CTNNA2: variants seen among roughly 807,000 people sequenced by gnomAD.
The protein encoded by CTNNA2 is catenin alpha 2.
In CTNNA2, 42 loss-of-function variants were observed where a neutral mutation model predicts 101.0. That is an observed-to-expected ratio of 0.42 (90% CI 0.32 to 0.54). The LOEUF is 0.54. Ranked by LOEUF, CTNNA2 falls within the 20% of genes least tolerant of loss-of-function variation. The pLI is 0.14. For synonymous variants in CTNNA2, 450 were observed against 456.4 expected (o/e 0.99, Z 0.18); for missense variants, 871 against 1,223.1 (o/e 0.71, Z 4.29).
At chr2:80,367,565 G>A (rs972721290) in intron 7 of CTNNA2, among the ~76,000 whole-genome samples, 3 of 151,806 alleles carry the variant, frequency 2.0e-5, no homozygotes, top group African/African-American at 7.3e-5. Flanking sequence ...GCTACCCTAT[G>A]ACCAATATCT....
chr2:79,532,498 T>C (rs1355209097), intron 1 of CTNNA2, among the ~76,000 whole-genome samples: 1 of 152,198 alleles, frequency 6.6e-6, no homozygotes, highest in African/African-American at 2.4e-5. Context: ...GCTTTAATAC[T>C]TTAAAAATTT....
chr2:79,777,892 G>GTTT (rs58015801), intron 3 of CTNNA2, among the ~76,000 whole-genome samples: 6,848 of 139,664 alleles, frequency 0.049, 556 homozygotes, highest in African/African-American at 0.17. Context: ...TTTGCATGGG[G>GTTT]TTTTTTTTTT....
At chr2:80,033,972 T>TAAAAAAAAA (rs70940069) in intron 7 of CTNNA2, among the ~76,000 whole-genome samples, 1 of 84,200 alleles carries the variant, frequency 1.2e-5, no homozygotes, top group Non-Finnish European at 2.2e-5. Context: ...GCTTATAATG[T>TAAAAAAAAA]AAAAAAAAAA....
intron 7 of CTNNA2, among the ~76,000 whole-genome samples, chr2:80,159,099 T>C (rs1435796636): frequency 6.6e-6 from 1 of 152,182 alleles, no homozygotes; most frequent in African/African-American, 2.4e-5. Flanking sequence ...ACGAAAAATA[T>C]GTGTATCTAG....
At chr2:80,380,324 C>A (rs978624182) in intron 7 of CTNNA2, among the ~76,000 whole-genome samples, 2 of 152,078 alleles carry the variant, frequency 1.3e-5, no homozygotes, top group Admixed American at 6.5e-5. Context: ...GCGTGAGCCA[C>A]CGCACCTGGC....
intron 9 of CTNNA2, among the ~76,000 whole-genome samples, chr2:80,438,642 A>G (rs2149438006): frequency 6.6e-6 from 1 of 152,300 alleles, no homozygotes; most frequent in Non-Finnish European, 1.5e-5. Context: ...CAATTGTATT[A>G]CATAAAATAA....
chr2:80,134,083 T>A (rs1393852404), intron 7 of CTNNA2, among the ~76,000 whole-genome samples: 2 of 152,164 alleles, frequency 1.3e-5, no homozygotes, highest in African/African-American at 4.8e-5. Context: ...TTTTACAGAT[T>A]GTTGGGAAAA....
At chr2:80,645,457 A>ATAAAG (rs1480598276) in intron 18 of CTNNA2, among the ~76,000 whole-genome samples, 2 of 152,180 alleles carry the variant, frequency 1.3e-5, no homozygotes, top group Admixed American at 6.5e-5. Flanking sequence ...AAATCACTGG[A>ATAAAG]TAAAGTAAAC....
chr2:79,518,638 G>C, intron 1 of CTNNA2, among the ~76,000 whole-genome samples: 1 of 152,056 alleles, frequency 6.6e-6, no homozygotes, highest in Non-Finnish European at 1.5e-5. Flanking sequence ...TGTTTTATTT[G>C]TAAGCATTTG....
At chr2:79,735,596 A>G (rs1386464534) in intron 2 of CTNNA2, among the ~76,000 whole-genome samples, 4 of 152,248 alleles carry the variant, frequency 2.6e-5, no homozygotes. Context: ...AGACCACAGC[A>G]ACTGAGTTAC....
In CTNNA2 at chr2:80,336,515, G is replaced by A. The variant is rs151337808; in HGVS notation, c.1057-56696G>A. ...CAGACATTACTACACTTCACCTTAT[G>A]CAGATTATTATCCAAAGTTTGATAT... On this transcript the variant is annotated intron_variant, in intron 7 of 18. Coordinates refer to ENST00000402739, the MANE Select transcript of CTNNA2 (RefSeq NM_001282597.3). Among the ~76,000 whole-genome samples, 98 of 152,238 alleles carry A rather than the reference G, an allele frequency of 6.4e-4. No homozygotes were observed. The East Asian group carries it at 0.014, about 22-fold the overall frequency.
At chr2:79,509,649 A>C (rs1201655412), upstream of CTNNA2, among the ~76,000 whole-genome samples, 2 of 152,190 alleles carry the variant, frequency 1.3e-5, no homozygotes, top group Non-Finnish European at 2.9e-5. Flanking sequence ...TTAGTGAGTA[A>C]AACTAGTATG....
chr2:80,372,441 C>G (rs1675530455), intron 7 of CTNNA2, among the ~76,000 whole-genome samples: 1 of 147,498 alleles, frequency 6.8e-6, no homozygotes, highest in African/African-American at 2.5e-5. Flanking sequence ...TAAAATTTCT[C>G]TGTCCTTCCT....
chr2:80,222,842 T>G (rs1708645770), intron 7 of CTNNA2, among the ~76,000 whole-genome samples: 1 of 152,230 alleles, frequency 6.6e-6, no homozygotes, highest in South Asian at 2.1e-4. Context: ...TACAATATAA[T>G]ATGTCAGCAT....
In CTNNA2 at chr2:79,378,499, A is replaced by T. The variant is rs571695497; in HGVS notation, c.-135+4486A>T. Among the ~76,000 whole-genome samples the T allele has an allele frequency of 1.5e-4, 23 of 152,300 alleles. No individual in the cohort carries two copies. The East Asian group carries it at 4.1e-3, about 27-fold the overall frequency. Reference sequence around the variant, plus strand: ...TAGCCACTATTACATGCATCCAAAGACATAGTTTCCTGTGGTCTTGTTCAT... The same window carrying T: ...TAGCCACTATTACATGCATCCAAAGTCATAGTTTCCTGTGGTCTTGTTCAT... On this transcript the variant is annotated intron_variant, in intron 4 of 21. Coordinates refer to the CTNNA2 transcript ENST00000466387.
At position 80,303,690 on chromosome 2, in the gene CTNNA2, G is replaced by T. The variant is rs202209285; in HGVS notation, c.1057-89521G>T. On this transcript the variant is annotated intron_variant, in intron 7 of 18. Transcript: ENST00000402739. This position sits in a 1 kb window ranked among gnomAD's most constrained non-coding sequence, Gnocchi z 7.7. Reference sequence around the variant, plus strand: ...CAGTACAGCAGCCGCCCCTCGCACCGGCACAGCTGCGGGCACCCGCTGGGG... The same window carrying T: ...CAGTACAGCAGCCGCCCCTCGCACCTGCACAGCTGCGGGCACCCGCTGGGG... 3.1e-6 allele frequency: 5 copies of T among 1,610,336 alleles called. No individual in the cohort carries two copies. The highest frequency in any genetic ancestry group is 2.2e-5 in the East Asian group (1 of 44,750).
chr2:80,587,440 T>A (rs979564807), intron 14 of CTNNA2, among the ~76,000 whole-genome samples: 3 of 152,194 alleles, frequency 2.0e-5, no homozygotes, highest in African/African-American at 7.2e-5. Flanking sequence ...ATGCTTACTT[T>A]CATTTTATTT....
intron 2 of CTNNA2, among the ~76,000 whole-genome samples, chr2:79,230,849 A>G (rs1318955094): frequency 6.6e-6 from 1 of 152,204 alleles, no homozygotes. Flanking sequence ...GGAGTCAAAT[A>G]TCATTTTGGA....
At chr2:80,152,083 C>T (rs1476060834) in intron 7 of CTNNA2, among the ~76,000 whole-genome samples, 2 of 152,194 alleles carry the variant, frequency 1.3e-5, no homozygotes, top group Non-Finnish European at 2.9e-5. Flanking sequence ...CAGGGCAGAG[C>T]ACTATAAAAG....
Sources: allele counts gnomAD v4.1 joint callset (sites outside exome capture counted in the v4.1 genomes callset), GRCh38; gene constraint gnomAD v4.1.1; non-coding constraint Gnocchi (gnomAD v3.1); transcripts MANE v1.5; gene names NCBI Gene and HGNC (gene_info 2026-07-23, HGNC 2026-07-21).